SGPP2: variants seen among roughly 807,000 people sequenced by gnomAD.
SGPP2 encodes sphingosine-1-phosphate phosphatase 2.
In SGPP2, 30 loss-of-function variants were observed where a neutral mutation model predicts 33.9. That is an observed-to-expected ratio of 0.89 (90% confidence interval 0.66 to 1.20). SGPP2 has a LOEUF of 1.20. Among genes scored for constraint, SGPP2 ranks in the 50% most tolerant of loss-of-function variants. The pLI, the probability that SGPP2 is intolerant of heterozygous loss-of-function variation, is 0.00. For missense variants in SGPP2, 458 were observed against 532.1 expected (o/e 0.86, Z 1.37); for synonymous variants, 233 against 225.0 (o/e 1.04, Z -0.32).
At chr2:222,505,655 C>T (rs528028321) in intron 2 of SGPP2, among the ~76,000 whole-genome samples, 1 of 151,766 alleles carries the variant, frequency 6.6e-6, no homozygotes, top group Non-Finnish European at 1.5e-5. Context: ...AAAATTAGGC[C>T]GGGCCTGGTG....
At chr2:222,554,032 G>A (rs924113794) in intron 4 of SGPP2, among the ~76,000 whole-genome samples, 8 of 152,268 alleles carry the variant, frequency 5.3e-5, no homozygotes, top group Admixed American at 2.0e-4. Context: ...GATCCCACTC[G>A]TGTGGAAGTT....
At chr2:222,450,971 T>C (rs1212996191) in intron 1 of SGPP2, among the ~76,000 whole-genome samples, 1 of 152,214 alleles carries the variant, frequency 6.6e-6, no homozygotes, top group Non-Finnish European at 1.5e-5. Flanking sequence ...CATATTGATT[T>C]ATAAACAACA....
chr2:222,504,324 G>C (rs1698412397), intron 2 of SGPP2: 2 of 152,216 alleles, frequency 1.3e-5, no homozygotes, highest in African/African-American at 4.8e-5. Flanking sequence ...GAGCAGTGAT[G>C]GCGTGGACTG....
At chr2:222,448,595 G>C (rs1287048045) in intron 1 of SGPP2, among the ~76,000 whole-genome samples, 10 of 152,232 alleles carry the variant, frequency 6.6e-5, no homozygotes, top group Non-Finnish European at 1.5e-4. Context: ...AATAAGCGCT[G>C]TGTTGTTTTT....
chr2:222,447,841 G>A (rs150914563), intron 1 of SGPP2, among the ~76,000 whole-genome samples: 3 of 152,256 alleles, frequency 2.0e-5, no homozygotes, highest in Non-Finnish European at 2.9e-5. Context: ...CTGAGCTCAC[G>A]GGTTAGTGAA....
chr2:222,525,934 C>T lies in SGPP2; in HGVS notation c.648+901C>T, dbSNP rs1457948557. Among the ~76,000 whole-genome samples the T allele has an allele frequency of 3.9e-5, 6 of 152,182 alleles. No homozygotes were observed. The East Asian group carries it at 5.8e-4, about 15-fold the overall frequency. On this transcript the variant is annotated intron_variant, in intron 4 of 4. Transcript: ENST00000321276. The stretch of plus-strand genomic sequence containing the variant: ...GGGCAGAAGGGCAGAAGCTGCAGAG[C>T]GAACAGATTGGGGAGATCATTTGTC...
chr2:222,462,207 A>G (rs1697672465), intron 1 of SGPP2, among the ~76,000 whole-genome samples: 2 of 152,124 alleles, frequency 1.3e-5, no homozygotes, highest in Admixed American at 6.5e-5. Flanking sequence ...GGCGGGGAAC[A>G]TGGTCAACAC....
rs1697955678 is a variant in SGPP2, at chr2:222,477,259, A to C, written c.378+2533A>C. 6.6e-6 allele frequency among the ~76,000 whole-genome samples: 1 copy of C among 151,070 alleles called. No homozygotes were observed. The highest frequency in any genetic ancestry group is 2.4e-5 in the African/African-American group (1 of 40,954). ...GGTGTGTATATACATGTATGTGAGTATATAGGTGTATATGTATGTGTGTAT... is the reference window on the plus strand; with the variant it reads ...GGTGTGTATATACATGTATGTGAGTCTATAGGTGTATATGTATGTGTGTAT... On this transcript the variant is annotated intron_variant, in intron 2 of 4. Transcript: ENST00000321276. This position sits in a 1 kb window ranked among gnomAD's most constrained non-coding sequence, Gnocchi z 6.0.
intron 2 of SGPP2, among the ~76,000 whole-genome samples, chr2:222,507,126 G>A (rs370786375): frequency 4.8e-4 from 73 of 152,276 alleles, no homozygotes; most frequent in African/African-American, 9.6e-4. Flanking sequence ...TTAATAAAGA[G>A]GAATGATAAT....
rs1049688169 is a variant in SGPP2 at position 222,476,846 on chromosome 2, A to G, written c.378+2120A>G. ...TGTGTGTATATGTGTATGTGTGTAT[A>G]TAGGTGTGTATATGTGTATATATAG... On this transcript the variant is annotated intron_variant, in intron 2 of 4. Coordinates refer to ENST00000321276, the MANE Select transcript of SGPP2 (RefSeq NM_152386.4). This position sits in a 1 kb window ranked among gnomAD's most constrained non-coding sequence, Gnocchi z 4.3. Among the ~76,000 whole-genome samples the G allele has an allele frequency of 3.3e-5, 5 of 151,366 alleles. No individual in the cohort carries two copies. Among genetic ancestry groups the G allele is most frequent in the Admixed American group, 3.3e-4 (5 of 15,196 alleles).
chr2:222,485,164 A>G (rs1171817964), intron 2 of SGPP2, among the ~76,000 whole-genome samples: 1 of 152,194 alleles, frequency 6.6e-6, no homozygotes, highest in Non-Finnish European at 1.5e-5. Flanking sequence ...CCACTGCGCC[A>G]TGTTGCCTCA....
At position 222,534,467 on chromosome 2, in the gene SGPP2, C is replaced by T. The variant is rs144470724; in HGVS notation, c.648+9434C>T. Among the ~76,000 whole-genome samples, 7 of 151,914 alleles carry T rather than the reference C, an allele frequency of 4.6e-5. No individual in the cohort carries two copies. In the East Asian group the frequency reaches 1.4e-3, roughly 29 times the overall value. ...TTATTCATTTATTTTTTTTTCCTCCCAACTTTTGTTTTAGTTTTGGTTGGA... is the reference window on the plus strand; with the variant it reads ...TTATTCATTTATTTTTTTTTCCTCCTAACTTTTGTTTTAGTTTTGGTTGGA... On this transcript the variant is annotated intron_variant, in intron 4 of 4. Coordinates refer to ENST00000321276, the MANE Select transcript of SGPP2 (RefSeq NM_152386.4).
chr2:222,553,461 ACCT>A (rs1417580215), intron 4 of SGPP2, among the ~76,000 whole-genome samples: 1 of 152,132 alleles, frequency 6.6e-6, no homozygotes, highest in Admixed American at 6.5e-5. Flanking sequence ...GACTTTGTAA[ACCT>A]CTATGCTAGT....
At chr2:222,486,957 C>T (rs78518959) in intron 2 of SGPP2, among the ~76,000 whole-genome samples, 2,607 of 151,508 alleles carry the variant, frequency 0.017, 104 homozygotes, top group African/African-American at 0.061. Flanking sequence ...TTCTTAAATC[C>T]TACTGTTTGA....
intron 1 of SGPP2, chr2:222,452,786 G>T: frequency 6.6e-7 from 1 of 1,526,014 alleles, no homozygotes; most frequent in Non-Finnish European, 9.1e-7. Flanking sequence ...AGAGGCTGGG[G>T]TAGGTAGGTG....
intron 2 of SGPP2, among the ~76,000 whole-genome samples, chr2:222,520,438 A>G (rs1011545601): frequency 6.6e-6 from 1 of 151,834 alleles, no homozygotes; most frequent in African/African-American, 2.4e-5. Context: ...ATTTTTAAAA[A>G]CTCCATATTA....
chr2:222,442,962 TG>T (rs1428181939), intron 1 of SGPP2, among the ~76,000 whole-genome samples: 1 of 152,200 alleles, frequency 6.6e-6, no homozygotes, highest in Non-Finnish European at 1.5e-5. Flanking sequence ...GATCAAATAT[TG>T]AATCATGACA....
At chr2:222,488,784 A>G (rs1050986157) in intron 2 of SGPP2, among the ~76,000 whole-genome samples, 1 of 152,220 alleles carries the variant, frequency 6.6e-6, no homozygotes, top group African/African-American at 2.4e-5. Context: ...ACATAGACAC[A>G]CATATAAATT....
chr2:222,549,665 T>C (rs1689257491), intron 4 of SGPP2, among the ~76,000 whole-genome samples: 1 of 152,042 alleles, frequency 6.6e-6, no homozygotes, highest in South Asian at 2.1e-4. Context: ...AAAATGAAAA[T>C]AGATTAAAAA....
Sources: allele counts gnomAD v4.1 joint callset (sites outside exome capture counted in the v4.1 genomes callset), GRCh38; gene constraint gnomAD v4.1.1; non-coding constraint Gnocchi (gnomAD v3.1); transcripts MANE v1.5; gene names NCBI Gene and HGNC (gene_info 2026-07-23, HGNC 2026-07-21).